Variants in C7orf57 observed in about 807,000 individuals in gnomAD.
C7orf57 encodes the protein chromosome 7 open reading frame 57, also known as uncharacterized protein C7orf57.
In C7orf57, 33 loss-of-function variants were observed where a neutral mutation model predicts 39.0. The ratio of observed to expected loss-of-function variants is 0.85; its 90% CI spans 0.64 to 1.13. C7orf57 has a LOEUF of 1.13. Ranked by LOEUF, C7orf57 falls within the 50% of genes most tolerant of loss-of-function variation. The pLI, the probability that C7orf57 is intolerant of heterozygous loss-of-function variation, is 0.00. For missense variants in C7orf57, 346 were observed against 362.3 expected, an observed-to-expected ratio of 0.95 and a Z score of 0.37; for synonymous variants, 124 against 137.1, an observed-to-expected ratio of 0.90 and a Z score of 0.67.
intron 4 of C7orf57, 135 bp downstream of exon 4, chr7:48,043,724 T>C (rs941240317): frequency 2.7e-5 from 20 of 738,006 alleles, no homozygotes; most frequent in African/African-American, 5.4e-5. Flanking sequence ...TCTTTTACAA[T>C]AGCCTGCTCT....
chr7:48,054,586 T>A lies in C7orf57; in HGVS notation c.830-9T>A. Reference sequence around the variant, plus strand: ...TTAACCTGAACAACGAATGTACTTTTTATTACAGAGTCTTCTCAAAGTGAG... The same window carrying A: ...TTAACCTGAACAACGAATGTACTTTATATTACAGAGTCTTCTCAAAGTGAG... On this transcript the variant is annotated splice_polypyrimidine_tract_variant and intron_variant, in intron 7 of 8. Coordinates refer to ENST00000348904, the MANE Select transcript of C7orf57 (RefSeq NM_001100159.3). 1 of 1,547,936 alleles carries A rather than the reference T, an allele frequency of 6.5e-7. No individual in the cohort carries two copies. The highest frequency in any genetic ancestry group is 8.7e-7 in the Non-Finnish European group (1 of 1,143,782).
At position 48,035,650 on chromosome 7, in the gene C7orf57, A is replaced by T; in HGVS notation, c.-102+20A>T. On this transcript the variant is annotated intron_variant, in intron 1 of 8. Transcript: ENST00000348904. This position sits in a 1 kb window ranked among gnomAD's most constrained non-coding sequence, Gnocchi z 4.0. Reference sequence around the variant, plus strand: ...GAGCTGGTGAGCCTGAGCGGGCTGGAGGACAATGGGGGCGCCCACTGTGGT... The same window carrying T: ...GAGCTGGTGAGCCTGAGCGGGCTGGTGGACAATGGGGGCGCCCACTGTGGT... 7 of 661,530 alleles carry T rather than the reference A, an allele frequency of 1.1e-5. No homozygotes were observed. Among genetic ancestry groups the T allele is most frequent in the Non-Finnish European group, 1.9e-5 (7 of 364,940 alleles). The allele number at this position is 661,530 out of a possible 1,614,324, so 41.0% of individuals were successfully genotyped here.
At chr7:48,049,833 T>A in intron 5 of C7orf57, 47 bp from the exon 6 acceptor site, 1 of 1,459,926 alleles carries the variant, frequency 6.8e-7, no homozygotes. Flanking sequence ...TCTCTAGCTG[T>A]TGAATGCTTT....
intron 8 of C7orf57, among the ~76,000 whole-genome samples, chr7:48,058,063 G>C (rs1166920911): frequency 6.6e-6 from 1 of 152,044 alleles, no homozygotes; most frequent in African/African-American, 2.4e-5. Flanking sequence ...CATGGTTTAT[G>C]ATCTTTTTAA....
At chr7:48,036,634 G>A (rs998468356) in intron 2 of C7orf57, among the ~76,000 whole-genome samples, 8 of 152,166 alleles carry the variant, frequency 5.3e-5, no homozygotes, top group African/African-American at 1.9e-4. Context: ...GTTCAATCTG[G>A]AGCAACAGGA....
chr7:48,050,012 T>G, intron 6 of C7orf57, 35 bp downstream of exon 6: 3 of 1,431,672 alleles, frequency 2.1e-6, no homozygotes, highest in Non-Finnish European at 3.0e-6. Context: ...CTGTCTGGAC[T>G]GGGTTTGGGT....
chr7:48,043,476 T>A lies in C7orf57; in HGVS notation c.242-5T>A. The stretch of plus-strand genomic sequence containing the variant: ...TCTCACAGCCATGTCATTTTCTCTT[T>A]TGAGATTTGTTGAAGCACTTTGCCC... On this transcript the variant is annotated splice_region_variant and splice_polypyrimidine_tract_variant and intron_variant, in intron 3 of 8. Transcript: ENST00000348904. The A allele has an allele frequency of 6.2e-7, 1 of 1,611,776 alleles. No individual in the cohort carries two copies. The highest frequency in any genetic ancestry group is 8.5e-7 in the Non-Finnish European group (1 of 1,178,364).
chr7:48,036,379 G>A lies in C7orf57; in HGVS notation c.55+16G>A. The A allele has an allele frequency of 6.4e-7, 1 of 1,561,416 alleles. No homozygotes were observed. Among genetic ancestry groups the A allele is most frequent in the Non-Finnish European group, 8.7e-7 (1 of 1,154,284 alleles). On this transcript the variant is annotated intron_variant, in intron 2 of 8. Transcript: ENST00000348904. Reference sequence around the variant, plus strand: ...GCTCCCTGCGGTGAGTGCGCCCTGAGCGCGTCCCGGCCAGAAAGAGCTGGG... The same window carrying A: ...GCTCCCTGCGGTGAGTGCGCCCTGAACGCGTCCCGGCCAGAAAGAGCTGGG...
intron 6 of C7orf57, among the ~76,000 whole-genome samples, chr7:48,051,841 T>TC (rs1376060223): frequency 1.1e-3 from 87 of 77,156 alleles, no homozygotes; most frequent in African/African-American, 2.5e-3. Context: ...CTTTCTTTCT[T>TC]TCTTTCTTTC....
intron 6 of C7orf57, among the ~76,000 whole-genome samples, chr7:48,051,503 A>T (rs1362859416): frequency 2.6e-5 from 4 of 151,182 alleles, no homozygotes; most frequent in Admixed American, 6.6e-5. Context: ...GTGTGGGCTA[A>T]TTTTTTGTAT....
rs1306414985 is a variant in C7orf57, at chr7:48,051,878, T to TTTC, written c.606-822_606-821insTTC. The stretch of plus-strand genomic sequence containing the variant: ...TTCTTTCTTTCTTTCTTTCTCTTTC[T>TTTC]CTTTCTTTCTTTCCTTCCTTCCTTC... On this transcript the variant is annotated intron_variant, in intron 6 of 8. Coordinates refer to ENST00000348904, the MANE Select transcript of C7orf57 (RefSeq NM_001100159.3). 2.4e-4 allele frequency among the ~76,000 whole-genome samples: 17 copies of TTTC among 72,204 alleles called. 1 individual carries two copies. The highest frequency in any genetic ancestry group is 7.7e-4 in the African/African-American group (17 of 22,180). The allele number at this position is 72,204 out of a possible 152,430, so 47.4% of individuals were successfully genotyped here.
rs748080242 is a variant in C7orf57 at position 48,046,624 on chromosome 7, G to C, written c.507+8G>C. On this transcript the variant is annotated splice_region_variant and intron_variant, in intron 5 of 8. Transcript: ENST00000348904. ...GAAAAGGAGAAAAAAAAGGTGACGG[G>C]AGCCCATAAATAGACGGCATCCGCA... is the stretch of plus-strand genomic sequence containing the variant. The C allele has an allele frequency of 4.3e-6, 7 of 1,609,786 alleles. No individual in the cohort carries two copies. In the African/African-American group the frequency reaches 6.7e-5, roughly 15 times the overall value.
At position 48,050,930 on chromosome 7, in the gene C7orf57, A is replaced by C. The variant is rs147911971; in HGVS notation, c.605+953A>C. On this transcript the variant is annotated intron_variant, in intron 6 of 8. Coordinates refer to ENST00000348904, the MANE Select transcript of C7orf57 (RefSeq NM_001100159.3). The stretch of plus-strand genomic sequence containing the variant: ...AAAATCCTCCTGCCTCTGTCTCTCA[A>C]AGTGCTGAGATGGAGGCTTAGAGAG... Among the ~76,000 whole-genome samples, 36 of 152,132 alleles carry C rather than the reference A, an allele frequency of 2.4e-4. No individual in the cohort carries two copies. The East Asian group carries it at 7.0e-3, about 30-fold the overall frequency.
chr7:48,051,845 TTCTTTC>T (rs1343491849), intron 6 of C7orf57, among the ~76,000 whole-genome samples: 1 of 81,094 alleles, frequency 1.2e-5, no homozygotes, highest in Non-Finnish European at 2.4e-5. Context: ...CTTTCTTTCT[TTCTTTC>T]TTTCTTTCTT....
At chr7:48,050,799 A>G (rs989099549) in intron 6 of C7orf57, among the ~76,000 whole-genome samples, 4 of 152,296 alleles carry the variant, frequency 2.6e-5, no homozygotes, top group African/African-American at 9.6e-5. Flanking sequence ...CCTCCCAAGT[A>G]GCTGGGGCTA....
At position 48,049,931 on chromosome 7, in the gene C7orf57, C is replaced by T; in HGVS notation, c.559C>T (p.Leu187Phe). The change falls in exon 6 of 9, where the codon CTT becomes TTT. Residue 187 changes from leucine (L) to phenylalanine (F), a missense_variant. Physicochemically the swap from Leu to Phe is conservative, Grantham distance 22. Transcript: ENST00000348904. ...SKYLSKAGTP[L>F]GPKNPAGSRL... ...GTATCTGAGCAAAGCAGGCACCCCA[C>T]TTGGCCCTAAGAATCCTGCAGGAAG... is the stretch of plus-strand genomic sequence containing the variant. 3 of 1,613,802 alleles carry T rather than the reference C, an allele frequency of 1.9e-6. No homozygotes were observed. The highest frequency in any genetic ancestry group is 2.2e-5 in the East Asian group (1 of 44,870).
intron 5 of C7orf57, among the ~76,000 whole-genome samples, chr7:48,047,339 A>T (rs1790747353): frequency 6.6e-6 from 1 of 152,248 alleles, no homozygotes; most frequent in Non-Finnish European, 1.5e-5. Flanking sequence ...GGTGAAGTTC[A>T]TATTACAAAT....
At chr7:48,054,632 C>T (rs7803787) in intron 8 of C7orf57, 26 bp downstream of exon 8, 129,874 of 1,538,944 alleles carry the variant, frequency 0.084, 7,707 homozygotes, top group African/African-American at 0.3. Flanking sequence ...GTAACCAGCA[C>T]CAAAACACAA....
chr7:48,035,710 C>T lies in C7orf57; in HGVS notation c.-102+80C>T, dbSNP rs1272989475. On this transcript the variant is annotated intron_variant, in intron 1 of 8. Coordinates refer to ENST00000348904, the MANE Select transcript of C7orf57 (RefSeq NM_001100159.3). This position sits in a 1 kb window ranked among gnomAD's most constrained non-coding sequence, Gnocchi z 4.0. ...TGTCCACTGTGCGGAGCTCGCAGTGCGGGCAGTGCGCGCCGGGGCTGGAGG... is the reference window on the plus strand; with the variant it reads ...TGTCCACTGTGCGGAGCTCGCAGTGTGGGCAGTGCGCGCCGGGGCTGGAGG... 12 of 587,928 alleles carry T rather than the reference C, an allele frequency of 2.0e-5. No individual in the cohort carries two copies. Among genetic ancestry groups the T allele is most frequent in the Non-Finnish European group, 3.6e-5 (12 of 330,824 alleles). The allele number at this position is 587,928 out of a possible 1,614,324, so 36.4% of individuals were successfully genotyped here.
Sources: allele counts gnomAD v4.1 joint callset (sites outside exome capture counted in the v4.1 genomes callset), GRCh38; gene constraint gnomAD v4.1.1; non-coding constraint Gnocchi (gnomAD v3.1); transcripts MANE v1.5; gene names NCBI Gene and HGNC (gene_info 2026-07-23, HGNC 2026-07-21).